Variants in TSPAN5 observed in about 807,000 individuals in gnomAD.
TSPAN5 encodes tetraspanin-5.
A neutral mutation model predicts 37.1 loss-of-function variants in TSPAN5; 10 were observed. The observed-to-expected ratio is 0.27, with a 90% CI of 0.17 to 0.46. The LOEUF is 0.46. Ranked by LOEUF, TSPAN5 falls within the 20% of genes least tolerant of loss-of-function variation. TSPAN5 has a pLI of 1.00. For missense variants in TSPAN5, 195 were observed against 326.6 expected (o/e 0.60, Z 3.11); for synonymous variants, 110 against 118.9 (o/e 0.93, Z 0.48).
At chr4:98,657,973 T>TA (rs1305759032) in intron 1 of TSPAN5, among the ~76,000 whole-genome samples, 173 bp downstream of exon 1, 1 of 152,144 alleles carries the variant, frequency 6.6e-6, no homozygotes, top group Non-Finnish European at 1.5e-5. Flanking sequence ...TCGAAAGGAT[T>TA]AAATGTTTAT....
rs56142906 is a variant in TSPAN5, at chr4:98,513,861, AATAGATAGATAGATAG to A, written c.82-6149_82-6134del. On this transcript the variant is annotated intron_variant, in intron 1 of 7. Transcript: ENST00000305798. Reference sequence around the variant, plus strand: ...CTGCTACTTTTATTCATAAAAAGCAAATAGATAGATAGATAGATAGATAGATAGATAGATAGATAGA... The same window carrying A: ...CTGCTACTTTTATTCATAAAAAGCAAATAGATAGATAGATAGATAGATAGA... Among the ~76,000 whole-genome samples, 607 of 149,662 alleles carry A rather than the reference AATAGATAGATAGATAG, an allele frequency of 4.1e-3. 3 individuals carry two copies. Among genetic ancestry groups the A allele is most frequent in the African/African-American group, 7.2e-3 (291 of 40,644 alleles).
intron 1 of TSPAN5, among the ~76,000 whole-genome samples, chr4:98,539,261 C>G (rs1754305767): frequency 6.6e-6 from 1 of 152,152 alleles, no homozygotes; most frequent in Non-Finnish European, 1.5e-5. Context: ...TTACAAATCT[C>G]TGTTTCTTAT....
chr4:98,472,725 G>A, intron 7 of TSPAN5, 138 bp from the exon 8 acceptor site: 1 of 692,686 alleles, frequency 1.4e-6, no homozygotes, highest in Non-Finnish European at 2.5e-6. Flanking sequence ...TCCTTGAAAT[G>A]TGTATAATTC....
At chr4:98,598,995 C>G (rs373346406) in intron 1 of TSPAN5, among the ~76,000 whole-genome samples, 26 of 152,264 alleles carry the variant, frequency 1.7e-4, no homozygotes, top group Admixed American at 6.5e-4. Flanking sequence ...TTAAAACATA[C>G]ACTTCAAAAA....
intron 5 of TSPAN5, among the ~76,000 whole-genome samples, chr4:98,476,767 C>A (rs2110254016): frequency 6.6e-6 from 1 of 152,252 alleles, no homozygotes; most frequent in East Asian, 1.9e-4. Flanking sequence ...CCTCAAGAAG[C>A]TTATGGGATT....
chr4:98,550,607 GTTTTTTTT>G (rs58062106), intron 1 of TSPAN5, among the ~76,000 whole-genome samples: 1 of 139,112 alleles, frequency 7.2e-6, no homozygotes, highest in Non-Finnish European at 1.6e-5. Context: ...TCCCAGCTGG[GTTTTTTTT>G]TTTTTTTTTC....
At position 98,507,673 on chromosome 4, in the gene TSPAN5, C is replaced by A; in HGVS notation, c.132+5G>T. 6.2e-7 allele frequency: 1 copy of A among 1,607,830 alleles called. No homozygotes were observed. Among genetic ancestry groups the A allele is most frequent in the Non-Finnish European group, 8.5e-7 (1 of 1,177,044 alleles). On this transcript the variant is annotated splice_donor_5th_base_variant and intron_variant, in intron 2 of 7. Coordinates refer to ENST00000305798, the MANE Select transcript of TSPAN5 (RefSeq NM_005723.4). ...ATGTGTGCATTGTCATGATATTCAA[C>A]TTACTTTTTCATTCCATGCCCACAG...
chr4:98,548,832 T>C (rs183977720), intron 1 of TSPAN5, among the ~76,000 whole-genome samples: 5 of 152,244 alleles, frequency 3.3e-5, no homozygotes, highest in Non-Finnish European at 5.9e-5. Flanking sequence ...GTTCCATCCA[T>C]GTTGCTCCAA....
intron 1 of TSPAN5, among the ~76,000 whole-genome samples, chr4:98,523,194 G>A (rs1421919722): frequency 6.6e-6 from 1 of 152,160 alleles, no homozygotes; most frequent in African/African-American, 2.4e-5. Flanking sequence ...GTGCACTCTG[G>A]AATTTTCCTT....
intron 1 of TSPAN5, among the ~76,000 whole-genome samples, chr4:98,653,281 T>C (rs1757229943): frequency 6.6e-6 from 1 of 151,740 alleles, no homozygotes. Context: ...CAAGGTTTCC[T>C]GAGTCTCCCT....
intron 4 of TSPAN5, among the ~76,000 whole-genome samples, chr4:98,479,977 C>G (rs2110257507): frequency 6.6e-6 from 1 of 152,282 alleles, no homozygotes; most frequent in South Asian, 2.1e-4. Context: ...CCTACCCCCA[C>G]CCTCACTAAA....
intron 1 of TSPAN5, among the ~76,000 whole-genome samples, chr4:98,583,297 C>T (rs1755410047): frequency 6.6e-6 from 1 of 151,952 alleles, no homozygotes; most frequent in African/African-American, 2.4e-5. Context: ...TTTTAAAATG[C>T]AGGTTTGTTA....
intron 1 of TSPAN5, among the ~76,000 whole-genome samples, chr4:98,553,396 T>C (rs532509459): frequency 6.6e-6 from 1 of 152,338 alleles, no homozygotes; most frequent in African/African-American, 2.4e-5. Context: ...GTGGTGGTAT[T>C]ACAGAAAATT....
intron 1 of TSPAN5, among the ~76,000 whole-genome samples, chr4:98,631,017 A>C (rs1341486548): frequency 6.6e-6 from 1 of 152,220 alleles, no homozygotes; most frequent in Admixed American, 6.5e-5. Flanking sequence ...GTTCTACTGG[A>C]ATATTTCTGC....
chr4:98,591,917 T>G (rs1755643343), intron 1 of TSPAN5, among the ~76,000 whole-genome samples: 1 of 151,628 alleles, frequency 6.6e-6, no homozygotes, highest in Non-Finnish European at 1.5e-5. Context: ...AAAGAATTTT[T>G]AAAAAGAACA....
At position 98,472,390 on chromosome 4, in the gene TSPAN5, G is replaced by T; in HGVS notation, c.*132C>A. On this transcript the variant is annotated 3_prime_UTR_variant, in exon 8 of 8. Coordinates refer to ENST00000305798, the MANE Select transcript of TSPAN5 (RefSeq NM_005723.4). ...TTTCCCAGTTTTACACTCCCCTAAT[G>T]GCAGCTCCATTAGGCGAGACTGCAG... The T allele has an allele frequency of 1.5e-6, 1 of 654,344 alleles. No homozygotes were observed. Among genetic ancestry groups the T allele is most frequent in the African/African-American group, 1.9e-5 (1 of 53,698 alleles). 40.5% of individuals were successfully genotyped at this position (654,344 alleles called of 1,614,324 possible). A position where few individuals can be genotyped will look rare whatever the true frequency, so the allele number is the denominator to read the frequency against.
intron 1 of TSPAN5, among the ~76,000 whole-genome samples, chr4:98,510,411 G>C (rs1040214459): frequency 3.9e-5 from 6 of 152,324 alleles, no homozygotes; most frequent in African/African-American, 1.2e-4. Context: ...AAGGTAAAGA[G>C]AGATAAAAAC....
rs944464875 is a variant in TSPAN5, at chr4:98,555,990, C to T, written c.82-48262G>A. Among the ~76,000 whole-genome samples the T allele has an allele frequency of 7.6e-4, 113 of 148,466 alleles. 1 individual carries two copies. Among genetic ancestry groups the T allele is most frequent in the East Asian group, 3.0e-3 (15 of 4,954 alleles). The stretch of plus-strand genomic sequence containing the variant: ...ACACACGCGCGCGCACACACACGTG[C>T]GTGCGCACACACACACGTGCACAGC... On this transcript the variant is annotated intron_variant, in intron 1 of 7. Transcript: ENST00000305798.
intron 1 of TSPAN5, among the ~76,000 whole-genome samples, chr4:98,615,499 G>A (rs576127261): frequency 3.4e-4 from 52 of 152,206 alleles, no homozygotes; most frequent in African/African-American, 6.7e-4. Context: ...ATGCTTTTAG[G>A]GAAAAGAAAA....
Sources: allele counts gnomAD v4.1 joint callset (sites outside exome capture counted in the v4.1 genomes callset), GRCh38; gene constraint gnomAD v4.1.1; transcripts MANE v1.5; gene names NCBI Gene and HGNC (gene_info 2026-07-23, HGNC 2026-07-21).